Variants in UROC1 observed in about 807,000 individuals in gnomAD.
UROC1 encodes the protein urocanate hydratase.
UROC1 carries 79 observed loss-of-function variants against 89.5 expected under a neutral mutation model. The observed-to-expected ratio is 0.88, with a 90% CI of 0.74 to 1.06. The LOEUF is 1.06. UROC1 is among the 50% of genes least tolerant of loss of function. The pLI is 0.00. For missense variants in UROC1, 885 were observed against 907.8 expected, an observed-to-expected ratio of 0.97 and a Z score of 0.32; for synonymous variants, 361 against 354.8, an observed-to-expected ratio of 1.02 and a Z score of -0.20.
chr3:126,491,681 T>C (rs1287507175), intron 16 of UROC1, among the ~76,000 whole-genome samples: 1 of 152,246 alleles, frequency 6.6e-6, no homozygotes, highest in Non-Finnish European at 1.5e-5. Context: ...AAGAACTCTG[T>C]GGCAGGAGGA....
chr3:126,501,110 G>T, intron 10 of UROC1, 108 bp downstream of exon 10: 1 of 1,321,534 alleles, frequency 7.6e-7, no homozygotes, highest in Non-Finnish European at 1.1e-6. Context: ...CGCTGAACTG[G>T]GGCTCAAAGC....
chr3:126,503,190 T>C (rs1228265920), intron 9 of UROC1, among the ~76,000 whole-genome samples: 1 of 152,158 alleles, frequency 6.6e-6, no homozygotes, highest in African/African-American at 2.4e-5. Context: ...GAGGGTGCAA[T>C]GTGGTTGGAT....
At position 126,508,034 on chromosome 3, in the gene UROC1, C is replaced by T; in HGVS notation, c.473G>A (p.Ser158Asn). Residue 158 changes from serine (S) to asparagine (N), a missense_variant, in exon 5 of 20, where the codon AGT becomes AAT. Ser to Asn is a conservative substitution (Grantham distance 46, BLOSUM62 1). Coordinates refer to ENST00000290868, the MANE Select transcript of UROC1 (RefSeq NM_144639.3). Reference sequence around the variant, plus strand: ...GGGAAAGAGGCCAAGTGGGTGCCCACTGTACATGACCAAAGTCTGCTCCTC... The same window carrying T: ...GGGAAAGAGGCCAAGTGGGTGCCCATTGTACATGACCAAAGTCTGCTCCTC... ...MTEEQTLVMY[S>N]GHPLGLFPSS... 2 of 1,614,060 alleles carry T rather than the reference C, an allele frequency of 1.2e-6. No homozygotes were observed. The highest frequency in any genetic ancestry group is 1.7e-6 in the Non-Finnish European group (2 of 1,180,028).
intron 17 of UROC1, among the ~76,000 whole-genome samples, chr3:126,488,494 T>C (rs1298187875): frequency 6.6e-6 from 1 of 152,220 alleles, no homozygotes; most frequent in East Asian, 1.9e-4. Flanking sequence ...AGTTGTCCCA[T>C]GGTGGCGCTC....
rs529560880 is a variant in UROC1, at chr3:126,499,501, G to A, written c.1244-92C>T. 4.4e-4 allele frequency: 544 copies of A among 1,238,360 alleles called. 5 individuals carry two copies. In the South Asian group the frequency reaches 6.6e-3, roughly 15 times the overall value. 76.7% of individuals were successfully genotyped at this position (1,238,360 alleles called of 1,614,324 possible). A position where few individuals can be genotyped will look rare whatever the true frequency, so the allele number is the denominator to read the frequency against. ...TAAACACAGGGCCCAGAGGGAGGCT[G>A]GGGAAGGATGCACAAGGTCTTTTTC... On this transcript the variant is annotated intron_variant, in intron 12 of 19. Transcript: ENST00000290868.
chr3:126,500,166 C>T lies in UROC1; in HGVS notation c.1146-12G>A. On this transcript the variant is annotated splice_polypyrimidine_tract_variant and intron_variant, in intron 11 of 19. Coordinates refer to ENST00000290868, the MANE Select transcript of UROC1 (RefSeq NM_144639.3). ...CTTGCCTCCTCAGGCTGCAACAAGC[C>T]ATGGGTCAGCACCACCGCTGTGAGG... 1.2e-6 allele frequency: 2 copies of T among 1,613,140 alleles called. No homozygotes were observed. Among genetic ancestry groups the T allele is most frequent in the Non-Finnish European group, 1.7e-6 (2 of 1,179,950 alleles).
intron 10 of UROC1, 72 bp downstream of exon 10, chr3:126,501,146 G>T: frequency 6.8e-7 from 1 of 1,480,922 alleles, no homozygotes; most frequent in Non-Finnish European, 9.4e-7. Flanking sequence ...CTCCTGGTCA[G>T]CATTGAGGTC....
chr3:126,504,225 T>C (rs1245420312), intron 8 of UROC1, 142 bp from the exon 9 acceptor site: 7 of 787,410 alleles, frequency 8.9e-6, no homozygotes, highest in Non-Finnish European at 1.1e-5. Context: ...GAAGACACCA[T>C]GAGCTGCCCT....
intron 13 of UROC1, 135 bp downstream of exon 13, chr3:126,499,202 G>T: frequency 1.1e-6 from 1 of 935,618 alleles, no homozygotes; most frequent in Non-Finnish European, 1.7e-6. Context: ...TTGGGGCAGT[G>T]TGGAGGTCTC....
chr3:126,508,313 C>T, intron 4 of UROC1, 103 bp downstream of exon 4: 1 of 1,389,016 alleles, frequency 7.2e-7, no homozygotes, highest in East Asian at 2.3e-5. Context: ...ACCAGGGAGG[C>T]AGAGGCCTGC....
chr3:126,491,130 C>A (rs1051145279), intron 16 of UROC1, among the ~76,000 whole-genome samples: 3 of 152,234 alleles, frequency 2.0e-5, no homozygotes, highest in South Asian at 2.1e-4. Context: ...AAACCACCTT[C>A]CCCCAGATAT....
rs993499114 is a variant in UROC1, at chr3:126,509,657, G to T, written c.279C>A (p.Tyr93Ter). 6 of 1,551,954 alleles carry T rather than the reference G, an allele frequency of 3.9e-6. No homozygotes were observed. The African/African-American group carries it at 4.1e-5, about 11-fold the overall frequency. ...IEMRAYPIEQ[Y>*]PCQTKVAAAI... ...CGGCAGCCACTTTCGTCTGGCAGGG[G>T]TACTGCTCAATCGGGTAGGCCCTGC... The change falls in exon 3 of 20, where the codon TAC (tyrosine) becomes TAA (stop). Residue 93 changes from tyrosine to a stop codon, truncating the protein, a stop_gained. Transcript: ENST00000290868. LOFTEE classifies it high-confidence loss of function.
intron 18 of UROC1, among the ~76,000 whole-genome samples, chr3:126,486,808 C>T (rs557610699): frequency 1.3e-5 from 2 of 152,228 alleles, no homozygotes; most frequent in South Asian, 2.1e-4. Flanking sequence ...CGAGTAGCCA[C>T]GGTGGAGACA....
chr3:126,509,774 G>A (rs1319906593), intron 2 of UROC1, 96 bp from the exon 3 acceptor site: 15 of 1,144,456 alleles, frequency 1.3e-5, no homozygotes, highest in Non-Finnish European at 1.8e-5. Flanking sequence ...GGCAAGGATA[G>A]CCGGACACGG....
rs748680790 is a variant in UROC1, at chr3:126,496,052, C to T, written c.1495G>A (p.Ala499Thr). The T allele has an allele frequency of 6.9e-5, 112 of 1,613,100 alleles. No individual in the cohort carries two copies. Among genetic ancestry groups the T allele is most frequent in the Middle Eastern group, 3.3e-4 (2 of 6,082 alleles). The change falls in exon 15 of 20, where the codon GCC (alanine) becomes ACC (threonine). Residue 499 changes from alanine (A) to threonine (T), a missense_variant. Coordinates refer to ENST00000290868, the MANE Select transcript of UROC1 (RefSeq NM_144639.3). Reference protein sequence around the residue: ...MDNIRWIREAARHRLVVGSQA... With the variant: ...MDNIRWIREATRHRLVVGSQA... ...TGGGCCCTCACCAGCCGGTGCCTGGCGGCCTCCCGGATCCAGCGGATGTTG... is the reference window on the plus strand; with the variant it reads ...TGGGCCCTCACCAGCCGGTGCCTGGTGGCCTCCCGGATCCAGCGGATGTTG...
At chr3:126,505,888 G>GGGGAGCCC in intron 7 of UROC1, 44 bp from the exon 8 acceptor site, 1 of 941,780 alleles carries the variant, frequency 1.1e-6, no homozygotes, top group African/African-American at 1.7e-5. Context: ...CTCCCAGCCC[G>GGGGAGCCC]CCCCCTCCAC....
chr3:126,493,931 C>T (rs1305922504), intron 15 of UROC1, among the ~76,000 whole-genome samples: 1 of 152,212 alleles, frequency 6.6e-6, no homozygotes, highest in Non-Finnish European at 1.5e-5. Context: ...CACCTGACCG[C>T]AAGCTCAGCT....
At chr3:126,496,315 C>T (rs760531313) in intron 14 of UROC1, among the ~76,000 whole-genome samples, 3 of 152,158 alleles carry the variant, frequency 2.0e-5, no homozygotes, top group Non-Finnish European at 2.9e-5. Context: ...AATGCACAGC[C>T]GTGCAGCGCA....
chr3:126,502,116 A>C (rs1935936950), intron 9 of UROC1, among the ~76,000 whole-genome samples: 1 of 152,142 alleles, frequency 6.6e-6, no homozygotes, highest in Non-Finnish European at 1.5e-5. Flanking sequence ...GTACATATAT[A>C]TGTATATATG....
Sources: gnomAD v4.1 joint callset for allele counts (sites outside exome capture counted in the v4.1 genomes callset) on GRCh38, gnomAD v4.1.1 for gene constraint, MANE v1.5 for transcripts, NCBI Gene and HGNC (gene_info 2026-07-23, HGNC 2026-07-21) for gene names.